The following GRID2 variants were observed in gnomAD, a reference collection of about 807,000 sequenced individuals.
The protein encoded by GRID2 is glutamate ionotropic receptor delta type subunit 2, also known as glutamate receptor ionotropic, delta-2.
Under a neutral mutation model 114.8 loss-of-function variants are expected in GRID2, and 33 were observed. The ratio of observed to expected loss-of-function variants is 0.29; its 90% CI spans 0.22 to 0.38. GRID2 has a LOEUF of 0.38. Ranked by LOEUF, GRID2 falls within the 10% of genes least tolerant of loss-of-function variation. The pLI, the probability that GRID2 is intolerant of heterozygous loss-of-function variation, is 1.00. For synonymous variants in GRID2, 505 were observed against 449.9 expected (o/e 1.12, Z -1.55); for missense variants, 1,184 against 1,257.7 (o/e 0.94, Z 0.89).
intron 2 of GRID2, among the ~76,000 whole-genome samples, chr4:92,657,862 T>C (rs1732323281): frequency 6.6e-6 from 1 of 151,764 alleles, no homozygotes; most frequent in Non-Finnish European, 1.5e-5. Context: ...AATCTGTATC[T>C]CAATATCTGT....
chr4:92,486,899 A>T (rs999579996), intron 1 of GRID2, among the ~76,000 whole-genome samples: 1 of 152,018 alleles, frequency 6.6e-6, no homozygotes, highest in African/African-American at 2.4e-5. Context: ...ATGGATATAC[A>T]GTATAACCCA....
At chr4:92,943,397 A>C (rs557804624) in intron 2 of GRID2, among the ~76,000 whole-genome samples, 3 of 152,026 alleles carry the variant, frequency 2.0e-5, no homozygotes, top group Non-Finnish European at 4.4e-5. Flanking sequence ...TGCATTCATC[A>C]CATAGTTCTC....
At chr4:93,422,421 T>C (rs1412506010) in intron 9 of GRID2, among the ~76,000 whole-genome samples, 1 of 152,148 alleles carries the variant, frequency 6.6e-6, no homozygotes, top group African/African-American at 2.4e-5. Context: ...AACAATAAAT[T>C]CCTGAGAATA....
intron 13 of GRID2, among the ~76,000 whole-genome samples, chr4:93,559,784 G>C (rs902194818): frequency 1.3e-5 from 2 of 152,152 alleles, no homozygotes; most frequent in Non-Finnish European, 2.9e-5. Context: ...GCACAAGTAT[G>C]TTTATTGCAG....
rs1250709799 is a variant in GRID2, at chr4:92,472,207, AC to A, written c.89-117923del. Among the ~76,000 whole-genome samples the A allele has an allele frequency of 9.8e-5, 6 of 60,926 alleles. 1 individual carries two copies. The highest frequency in any genetic ancestry group is 2.0e-4 in the African/African-American group (2 of 10,256). The allele number at this position is 60,926 out of a possible 152,430, so 40.0% of individuals were successfully genotyped here. A position where few individuals can be genotyped will look rare whatever the true frequency, so the allele number is the denominator to read the frequency against. Reference sequence around the variant, plus strand: ...CTCGGCCTCCCAAAGTGCTGGGATTACAGGCGTGAGCCACCGCGCCCGGCCG... The same window carrying A: ...CTCGGCCTCCCAAAGTGCTGGGATTAAGGCGTGAGCCACCGCGCCCGGCCG... On this transcript the variant is annotated intron_variant, in intron 1 of 15. Coordinates refer to ENST00000282020, the MANE Select transcript of GRID2 (RefSeq NM_001510.4).
chr4:93,689,320 C>G (rs940902046), intron 14 of GRID2, among the ~76,000 whole-genome samples: 7 of 152,060 alleles, frequency 4.6e-5, no homozygotes, highest in African/African-American at 1.7e-4. Context: ...AAGCATTTCA[C>G]TTCTTCCATG....
chr4:93,697,869 G>GTATATATATATA lies in GRID2; in HGVS notation c.2361-71330_2361-71329insATATATATATAT, dbSNP rs749542291. Reference sequence around the variant, plus strand: ...TCAATTTAGTCATTCCACAATGTGTGTATATATATATTTCAAAACAATACG... The same window carrying GTATATATATATA: ...TCAATTTAGTCATTCCACAATGTGTGTATATATATATATATATATATATTTCAAAACAATACG... On this transcript the variant is annotated intron_variant, in intron 14 of 15. Transcript: ENST00000282020. 1.2e-3 allele frequency among the ~76,000 whole-genome samples: 152 copies of GTATATATATATA among 122,640 alleles called. 9 individuals carry two copies. The highest frequency in any genetic ancestry group is 3.7e-3 in the African/African-American group (121 of 33,120). The allele number at this position is 122,640 out of a possible 152,430, so 80.5% of individuals were successfully genotyped here.
chr4:93,577,546 T>C (rs900664521), intron 13 of GRID2, among the ~76,000 whole-genome samples: 2 of 152,214 alleles, frequency 1.3e-5, no homozygotes, highest in Non-Finnish European at 2.9e-5. Flanking sequence ...TATCAGTAAA[T>C]GTTTGCCAAT....
rs1399858243 is a variant in GRID2 at position 93,207,390 on chromosome 4, G to A, written c.736-14G>A. On this transcript the variant is annotated splice_polypyrimidine_tract_variant and intron_variant, in intron 4 of 15. Transcript: ENST00000282020. ...ATTAATTTTGACTGATAGCTGATTT[G>A]TTTTCTATTCTAGGTTGTGGAGACT... The A allele has an allele frequency of 1.3e-6, 2 of 1,575,826 alleles. No homozygotes were observed. Among genetic ancestry groups the A allele is most frequent in the East Asian group, 2.2e-5 (1 of 44,452 alleles).
At chr4:92,357,541 T>G (rs570411818) in intron 1 of GRID2, among the ~76,000 whole-genome samples, 1 of 151,992 alleles carries the variant, frequency 6.6e-6, no homozygotes, top group East Asian at 1.9e-4. Context: ...ACATATAATT[T>G]GATCATTTAG....
chr4:92,980,858 C>A (rs1754145921), intron 2 of GRID2, among the ~76,000 whole-genome samples: 1 of 151,772 alleles, frequency 6.6e-6, no homozygotes, highest in Non-Finnish European at 1.5e-5. Context: ...GCAAATTATC[C>A]CAAAAATATG....
intron 14 of GRID2, among the ~76,000 whole-genome samples, chr4:93,741,174 C>CATATATATATATATATATACAT (rs1731347248): frequency 2.4e-5 from 1 of 41,232 alleles, no homozygotes; most frequent in African/African-American, 1.2e-4. Context: ...TATATATATA[C>CATATATATATATATATATACAT]ATATATATAT....
chr4:92,542,026 A>G (rs1444732432), intron 1 of GRID2, among the ~76,000 whole-genome samples: 1 of 151,940 alleles, frequency 6.6e-6, no homozygotes, highest in Admixed American at 6.6e-5. Context: ...TTTTTTTGCA[A>G]TAAGGTTCAA....
intron 13 of GRID2, among the ~76,000 whole-genome samples, chr4:93,594,313 G>A (rs1000358137): frequency 6.6e-6 from 1 of 152,122 alleles, no homozygotes; most frequent in East Asian, 1.9e-4. Flanking sequence ...GTACCCTGCA[G>A]TGTGAGGTGT....
intron 2 of GRID2, among the ~76,000 whole-genome samples, chr4:92,819,200 C>G (rs1741107307): frequency 6.6e-6 from 1 of 152,112 alleles, no homozygotes; most frequent in South Asian, 2.1e-4. Context: ...TTGGCCAAAT[C>G]TGAGATTCTC....
intron 2 of GRID2, among the ~76,000 whole-genome samples, chr4:92,772,194 G>C (rs990264951): frequency 2.6e-5 from 4 of 152,190 alleles, no homozygotes; most frequent in Non-Finnish European, 4.4e-5. Flanking sequence ...GCACCAGTGA[G>C]TTTAGGAAAT....
At chr4:93,169,397 T>C (rs1004887798) in intron 4 of GRID2, among the ~76,000 whole-genome samples, 2 of 152,198 alleles carry the variant, frequency 1.3e-5, no homozygotes, top group Non-Finnish European at 2.9e-5. Flanking sequence ...AAATATGATA[T>C]TCACAGTCTT....
intron 12 of GRID2, among the ~76,000 whole-genome samples, chr4:93,497,043 G>C (rs928854690): frequency 6.6e-6 from 1 of 151,568 alleles, no homozygotes; most frequent in Non-Finnish European, 1.5e-5. Flanking sequence ...TCAGCATTTG[G>C]TGGTATCATT....
chr4:93,588,477 A>C (rs1169551624), intron 13 of GRID2, among the ~76,000 whole-genome samples: 1 of 152,148 alleles, frequency 6.6e-6, no homozygotes, highest in African/African-American at 2.4e-5. Context: ...AAGAATGAGG[A>C]TGGTTTATTA....
Sources: gnomAD v4.1 joint callset for allele counts (sites outside exome capture counted in the v4.1 genomes callset) on GRCh38, gnomAD v4.1.1 for gene constraint, MANE v1.5 for transcripts, NCBI Gene and HGNC (gene_info 2026-07-23, HGNC 2026-07-21) for gene names.